The following ROBO2 variants were observed in gnomAD, a reference collection of about 807,000 sequenced individuals.
ROBO2 encodes the protein roundabout guidance receptor 2.
Under a neutral mutation model 160.8 loss-of-function variants are expected in ROBO2, and 53 were observed. That is an observed-to-expected ratio of 0.33 (90% confidence interval 0.26 to 0.41). The LOEUF is 0.41. ROBO2 is among the 10% of genes least tolerant of loss of function. ROBO2 has a pLI of 1.00. For missense variants in ROBO2, 1,577 were observed against 1,722.4 expected, an observed-to-expected ratio of 0.92 and a Z score of 1.49; for synonymous variants, 664 against 611.7, an observed-to-expected ratio of 1.09 and a Z score of -1.26.
chr3:76,019,917 A>G (rs984070095), intron 2 of ROBO2, among the ~76,000 whole-genome samples: 16 of 149,340 alleles, frequency 1.1e-4, no homozygotes, highest in African/African-American at 3.7e-4. Flanking sequence ...AGCTCCATGC[A>G]TATCTGAGAA....
intron 2 of ROBO2, among the ~76,000 whole-genome samples, chr3:76,419,010 G>C (rs960217163): frequency 2.0e-5 from 3 of 152,022 alleles, no homozygotes; most frequent in Admixed American, 1.3e-4. Context: ...TTTAATCATG[G>C]TTTTACAAAC....
intron 2 of ROBO2, among the ~76,000 whole-genome samples, chr3:76,428,595 T>A (rs2076311750): frequency 6.6e-6 from 1 of 152,130 alleles, no homozygotes; most frequent in East Asian, 1.9e-4. Context: ...TAGCACATTC[T>A]AACACTATAG....
At chr3:76,389,209 T>G (rs929794711) in intron 2 of ROBO2, among the ~76,000 whole-genome samples, 2 of 152,192 alleles carry the variant, frequency 1.3e-5, no homozygotes, top group East Asian at 1.9e-4. Flanking sequence ...CAGTAAAAAC[T>G]TATTGACTGT....
intron 2 of ROBO2, among the ~76,000 whole-genome samples, chr3:77,313,656 C>T (rs1476981298): frequency 6.6e-6 from 1 of 152,104 alleles, no homozygotes; most frequent in Non-Finnish European, 1.5e-5. Context: ...GTGATCTCGG[C>T]TCACTGCAAC....
chr3:77,636,370 G>A (rs1003384140), intron 24 of ROBO2, among the ~76,000 whole-genome samples: 11 of 151,960 alleles, frequency 7.2e-5, no homozygotes, highest in African/African-American at 2.7e-4. Context: ...GAGGCGGGCA[G>A]ATCACAGGGT....
chr3:76,251,352 G>C (rs1350398030), intron 2 of ROBO2, among the ~76,000 whole-genome samples: 1 of 151,998 alleles, frequency 6.6e-6, no homozygotes, highest in Non-Finnish European at 1.5e-5. Flanking sequence ...GAGATGAGTT[G>C]GTCTCCTTTG....
chr3:77,626,922 C>A (rs139466489), intron 23 of ROBO2, among the ~76,000 whole-genome samples: 1 of 152,146 alleles, frequency 6.6e-6, no homozygotes, highest in Non-Finnish European at 1.5e-5. Flanking sequence ...ACAATGAAAC[C>A]TGGTGGCCTC....
At chr3:75,911,847 C>T (rs1435215814) in intron 1 of ROBO2, among the ~76,000 whole-genome samples, 2 of 152,010 alleles carry the variant, frequency 1.3e-5, no homozygotes, top group Admixed American at 6.6e-5. Context: ...TGAGCCACCG[C>T]GCCCTGCCGA....
intron 2 of ROBO2, among the ~76,000 whole-genome samples, chr3:76,302,743 A>G (rs1576323497): frequency 6.6e-6 from 1 of 152,126 alleles, no homozygotes; most frequent in South Asian, 2.1e-4. Context: ...GTAGCAAACT[A>G]TACCATCTAG....
At chr3:76,262,128 C>G (rs2107597976) in intron 2 of ROBO2, among the ~76,000 whole-genome samples, 1 of 152,210 alleles carries the variant, frequency 6.6e-6, no homozygotes, top group Non-Finnish European at 1.5e-5. Context: ...TCTCTCTTAC[C>G]TTTGCATATA....
intron 2 of ROBO2, among the ~76,000 whole-genome samples, chr3:76,809,966 A>G (rs2108973686): frequency 6.6e-6 from 1 of 152,204 alleles, no homozygotes; most frequent in East Asian, 1.9e-4. Flanking sequence ...TAGGAAGAAA[A>G]GGTTGTATTT....
intron 2 of ROBO2, among the ~76,000 whole-genome samples, chr3:76,702,770 G>T (rs1430716237): frequency 6.6e-6 from 1 of 151,986 alleles, no homozygotes; most frequent in Non-Finnish European, 1.5e-5. Context: ...GTGAGAAAAG[G>T]GAGGAAGGAG....
At chr3:76,967,847 T>G (rs905704421) in intron 2 of ROBO2, among the ~76,000 whole-genome samples, 1 of 152,114 alleles carries the variant, frequency 6.6e-6, no homozygotes, top group African/African-American at 2.4e-5. Flanking sequence ...TAGCCTAAAA[T>G]ACACATTTTT....
intron 2 of ROBO2, among the ~76,000 whole-genome samples, chr3:76,399,838 G>T (rs1029797360): frequency 1.3e-5 from 2 of 151,622 alleles, no homozygotes; most frequent in African/African-American, 4.8e-5. Context: ...AACAACAGAA[G>T]CATTTTAGAA....
rs144495700 is a variant in ROBO2 at position 76,883,142 on chromosome 3, A to G, written c.110-214872A>G. ...TGTCTGACATATTATAACTATTTTAATTACTAAAAAATACCCATATGTATT... is the reference window on the plus strand; with the variant it reads ...TGTCTGACATATTATAACTATTTTAGTTACTAAAAAATACCCATATGTATT... On this transcript the variant is annotated intron_variant, in intron 2 of 26. Transcript: ENST00000487694. Among the ~76,000 whole-genome samples the G allele has an allele frequency of 5.1e-3, 779 of 152,254 alleles. 9 individuals are homozygous for G. The highest frequency in any genetic ancestry group is 0.018 in the African/African-American group (748 of 41,564).
At chr3:76,035,805 T>G (rs1341120751) in intron 2 of ROBO2, among the ~76,000 whole-genome samples, 2 of 152,028 alleles carry the variant, frequency 1.3e-5, no homozygotes, top group Admixed American at 1.3e-4. Flanking sequence ...CAGTCTTGAT[T>G]GCGATTTTCA....
intron 2 of ROBO2, among the ~76,000 whole-genome samples, chr3:77,011,052 TTC>T (rs1491131221): frequency 8.9e-5 from 5 of 56,350 alleles, no homozygotes; most frequent in East Asian, 4.1e-4. Flanking sequence ...TTTTCTTTCT[TTC>T]TTCTTTCTTT....
At chr3:76,208,343 T>A (rs916055094) in intron 2 of ROBO2, among the ~76,000 whole-genome samples, 2 of 152,216 alleles carry the variant, frequency 1.3e-5, no homozygotes, top group African/African-American at 4.8e-5. Context: ...GAATTAATCA[T>A]CATTTATTTG....
At chr3:76,137,046 G>GA (rs967127757) in intron 2 of ROBO2, among the ~76,000 whole-genome samples, 33 of 151,492 alleles carry the variant, frequency 2.2e-4, no homozygotes, top group African/African-American at 6.3e-4. Flanking sequence ...ATTGCTGCAA[G>GA]AAAAAAAATA....
Sources: allele counts gnomAD v4.1 joint callset (sites outside exome capture counted in the v4.1 genomes callset), GRCh38; gene constraint gnomAD v4.1.1; transcripts MANE v1.5; gene names NCBI Gene and HGNC (gene_info 2026-07-23, HGNC 2026-07-21).